Variants in PER2 observed in about 807,000 individuals in gnomAD.
PER2 encodes the protein period circadian protein homolog 2.
In PER2, 66 loss-of-function variants were observed where a neutral mutation model predicts 121.0. The ratio of observed to expected loss-of-function variants is 0.55; its 90% CI spans 0.45 to 0.67. PER2 has a LOEUF of 0.67. Among genes scored for constraint, PER2 ranks in the 30% least tolerant of loss-of-function variants. PER2 has a pLI of 0.00. For synonymous variants in PER2, 684 were observed against 659.9 expected (o/e 1.04, Z -0.56); for missense variants, 1,521 against 1,635.0 (o/e 0.93, Z 1.20).
chr2:238,297,732 C>G, the PER2 span, among the ~76,000 whole-genome samples: 2 of 152,228 alleles, frequency 1.3e-5, no homozygotes, highest in Admixed American at 6.5e-5. Context: ...CCAAGAAAGG[C>G]CACTGCCATA....
intron 8 of PER2, among the ~76,000 whole-genome samples, chr2:238,266,595 G>A (rs774366832): frequency 2.6e-5 from 4 of 152,186 alleles, no homozygotes; most frequent in Non-Finnish European, 5.9e-5. Context: ...TCTTGAAGGA[G>A]ACTGGTAATT....
In PER2 at chr2:238,258,618, T is replaced by A; in HGVS notation, c.1654A>T (p.Lys552Ter). The A allele has an allele frequency of 6.2e-7, 1 of 1,614,110 alleles. No homozygotes were observed. The highest frequency in any genetic ancestry group is 8.5e-7 in the Non-Finnish European group (1 of 1,180,024). ...TEMQTNPPAE[K>*]KAVPAMEKDS... is the part of the protein sequence containing the mutation. The stretch of plus-strand genomic sequence containing the variant: ...TTTTCCATGGCAGGGACAGCTTTCT[T>A]CTCAGCTGGGGGATTAGTTTGCATT... Residue 552 changes from lysine (K) to a stop codon, truncating the protein, a stop_gained, in exon 15 of 23, where the codon AAG becomes TAG. Coordinates refer to ENST00000254657, the MANE Select transcript of PER2 (RefSeq NM_022817.3). LOFTEE classifies it high-confidence loss of function.
upstream of PER2, among the ~76,000 whole-genome samples, chr2:238,292,639 A>G (rs954613274): frequency 6.6e-6 from 1 of 151,918 alleles, no homozygotes; most frequent in African/African-American, 2.4e-5. Context: ...CCATTGCCAT[A>G]TATTCTAATT....
Position 238,251,616 on chromosome 2 carries a change from G to T in PER2, c.3257C>A (p.Ala1086Asp), listed in dbSNP as rs770101780. The T allele has an allele frequency of 6.2e-7, 1 of 1,614,192 alleles. No individual in the cohort carries two copies. The highest frequency in any genetic ancestry group is 1.7e-5 in the Admixed American group (1 of 60,030). Residue 1086 changes from alanine (A) to aspartate (D), a missense_variant, in exon 20 of 23, where the codon GCC becomes GAC. Physicochemically the swap from Ala to Asp is moderately radical, Grantham distance 126. Coordinates refer to ENST00000254657, the MANE Select transcript of PER2 (RefSeq NM_022817.3). ...SLGSGSLGCDASPSGAGSSDT... is the reference protein window; with the variant it reads ...SLGSGSLGCDDSPSGAGSSDT... The stretch of plus-strand genomic sequence containing the variant: ...CAACATACCTGCCCCACTCGGGGAG[G>T]CGTCGCAGCCCAGTGAGCCGGAGCC...
rs755886185 is a variant in PER2 at position 238,262,306 on chromosome 2, T to A, written c.1192A>T (p.Ile398Phe). Residue 398 changes from isoleucine to phenylalanine, a missense_variant, in exon 11 of 23, where the codon ATT becomes TTT. By Grantham distance (21) the Ile-to-Phe change is conservative. Coordinates refer to ENST00000254657, the MANE Select transcript of PER2 (RefSeq NM_022817.3). ...TCTCCGTTCCGGGCGCGAAACCGAA[T>A]GGGAGAATAGTCGAAAGGCTGCCCG... ...SGGQPFDYSP[I>F]RFRARNGEYI... 1 of 1,613,874 alleles carries A rather than the reference T, an allele frequency of 6.2e-7. No homozygotes were observed. Among genetic ancestry groups the A allele is most frequent in the South Asian group, 1.1e-5 (1 of 91,066 alleles).
Position 238,268,042 on chromosome 2 carries a change from G to C in PER2, c.967+14C>G. 1 of 1,613,508 alleles carries C rather than the reference G, an allele frequency of 6.2e-7. No homozygotes were observed. On this transcript the variant is annotated intron_variant, in intron 8 of 22. Transcript: ENST00000254657. The surrounding 1 kb of genome is among the most constrained non-coding windows in gnomAD (Gnocchi z 4.0). ...AGAGACAACATCTGCCCTCGCCCTG[G>C]GCTTGGCTGTTACCTTCATAACCAG...
chr2:238,251,580 C>T lies in PER2; in HGVS notation c.3274+19G>A. ...CAGGAACCTCCCAAGTGCCTAACAC[C>T]CCGCCAGGGCCAACATACCTGCCCC... On this transcript the variant is annotated intron_variant, in intron 20 of 22. Transcript: ENST00000254657. The T allele has an allele frequency of 1.2e-6, 2 of 1,612,910 alleles. No individual in the cohort carries two copies. The highest frequency in any genetic ancestry group is 2.2e-5 in the East Asian group (1 of 44,876).
intron 17 of PER2, 33 bp from the exon 18 acceptor site, chr2:238,255,944 A>G: frequency 6.2e-7 from 1 of 1,613,200 alleles, no homozygotes. Context: ...TCTGGTCCAC[A>G]CGTGCCCTGT....
intron 1 of PER2, among the ~76,000 whole-genome samples, chr2:238,280,264 G>A (rs1246109906): frequency 8.5e-5 from 13 of 152,206 alleles, no homozygotes; most frequent in South Asian, 2.1e-4. Context: ...CCCATTCGCC[G>A]GTGAGCCACT....
At chr2:238,259,723 C>T (rs1482911866) in intron 14 of PER2, among the ~76,000 whole-genome samples, 1 of 152,232 alleles carries the variant, frequency 6.6e-6, no homozygotes, top group Non-Finnish European at 1.5e-5. Flanking sequence ...CACCTAGCCA[C>T]ACCCCGCCAG....
chr2:238,271,645 C>CT, intron 5 of PER2, 132 bp from the exon 6 acceptor site: 2 of 708,120 alleles, frequency 2.8e-6, no homozygotes, highest in Non-Finnish European at 5.1e-6. Context: ...ACTCCCTTGC[C>CT]TAGCCCTCAC....
intron 16 of PER2, among the ~76,000 whole-genome samples, chr2:238,258,044 G>T (rs556836419): frequency 1.3e-5 from 2 of 152,334 alleles, no homozygotes; most frequent in African/African-American, 2.4e-5. Context: ...GTCAGGGGAC[G>T]GCCCCAGGCC....
intron 22 of PER2, among the ~76,000 whole-genome samples, chr2:238,248,817 A>G (rs1008065218): frequency 5.3e-5 from 8 of 152,022 alleles, no homozygotes; most frequent in African/African-American, 1.9e-4. Context: ...CACCACGCCC[A>G]GCTAATTTTT....
chr2:238,254,067 G>A (rs1396181497), intron 18 of PER2: 1 of 287,868 alleles, frequency 3.5e-6, no homozygotes, highest in Non-Finnish European at 6.6e-6. Context: ...AGTATTTGGG[G>A]GAAAAATTGG....
At chr2:238,280,434 C>T (rs1206887873) in intron 1 of PER2, among the ~76,000 whole-genome samples, 1 of 152,226 alleles carries the variant, frequency 6.6e-6, no homozygotes. Flanking sequence ...GACAACTGAA[C>T]ACAACCCTCA....
chr2:238,277,658 C>T, intron 2 of PER2, 49 bp downstream of exon 2: 1 of 1,607,048 alleles, frequency 6.2e-7, no homozygotes, highest in Admixed American at 1.7e-5. Flanking sequence ...AAATGAGCCA[C>T]TGAGAAAACA....
rs780060145 is a variant in PER2, at chr2:238,288,382, G to C, written c.-53C>G. 5.9e-5 allele frequency: 9 copies of C among 152,244 alleles called. No individual in the cohort carries two copies. The highest frequency in any genetic ancestry group is 1.2e-4 in the Non-Finnish European group (8 of 68,084). The allele number at this position is 152,244 out of a possible 1,614,324, so 9.4% of individuals were successfully genotyped here. On this transcript the variant is annotated 5_prime_UTR_variant, in exon 1 of 23. Transcript: ENST00000254657. Reference sequence around the variant, plus strand: ...CCTCAGGCTCCTGAGCTGCGAAGCGGGGGTTCGAGTCCCCAACCCTCGGTG... The same window carrying C: ...CCTCAGGCTCCTGAGCTGCGAAGCGCGGGTTCGAGTCCCCAACCCTCGGTG...
chr2:238,270,040 A>G (rs919989458), intron 6 of PER2, among the ~76,000 whole-genome samples: 1 of 152,216 alleles, frequency 6.6e-6, no homozygotes. Context: ...TCTCATCGCC[A>G]CCCACAACAT....
chr2:238,262,912 C>T (rs760819461), intron 10 of PER2, 40 bp downstream of exon 10: 55 of 1,396,470 alleles, frequency 3.9e-5, no homozygotes, highest in South Asian at 2.7e-4. Context: ...CAGGAACTTC[C>T]GCCAAACACT....
Sources: allele counts gnomAD v4.1 joint callset (sites outside exome capture counted in the v4.1 genomes callset), GRCh38; gene constraint gnomAD v4.1.1; non-coding constraint Gnocchi (gnomAD v3.1); transcripts MANE v1.5; gene names NCBI Gene and HGNC (gene_info 2026-07-23, HGNC 2026-07-21).